Variants in CCDC178 observed in about 807,000 individuals in gnomAD.
CCDC178 encodes the protein coiled-coil domain-containing protein 178.
A neutral mutation model predicts 117.4 loss-of-function variants in CCDC178; 126 were observed. The ratio of observed to expected loss-of-function variants is 1.07; its 90% CI spans 0.93 to 1.24. The LOEUF (loss-of-function observed/expected upper bound fraction) is 1.24, where lower values mean the gene tolerates loss of function less well. CCDC178 is among the 50% of genes most tolerant of loss of function. The probability of loss-of-function intolerance (pLI) is 0.00; values close to 1 mark genes in which losing one functional copy is unlikely to be tolerated. For missense variants in CCDC178, 1,030 were observed against 986.9 expected, an observed-to-expected ratio of 1.04 and a Z score of -0.59; for synonymous variants, 283 against 313.4, an observed-to-expected ratio of 0.90 and a Z score of 1.02.
At chr18:33,257,135 AG>A (rs1306649397) in intron 14 of CCDC178, among the ~76,000 whole-genome samples, 2 of 152,048 alleles carry the variant, frequency 1.3e-5, no homozygotes, top group African/African-American at 2.4e-5. Context: ...GCCTCAGTCT[AG>A]GGTTTATTCC....
intron 11 of CCDC178, among the ~76,000 whole-genome samples, chr18:33,305,789 C>A (rs1389523209): frequency 2.0e-5 from 3 of 152,116 alleles, no homozygotes; most frequent in Admixed American, 6.6e-5. Flanking sequence ...GACAAAGTGG[C>A]CTTGGCTTCT....
At chr18:33,055,331 TCC>T in intron 21 of CCDC178, among the ~76,000 whole-genome samples, 2 of 152,208 alleles carry the variant, frequency 1.3e-5, no homozygotes, top group African/African-American at 4.8e-5. Context: ...ATCTTTAACT[TCC>T]TATTCTTTTT....
chr18:33,149,594 G>A (rs886709199), intron 20 of CCDC178, among the ~76,000 whole-genome samples: 5 of 152,050 alleles, frequency 3.3e-5, no homozygotes, highest in Non-Finnish European at 2.9e-5. Flanking sequence ...TGAAAATAGA[G>A]AGCCACACTG....
intron 20 of CCDC178, among the ~76,000 whole-genome samples, chr18:33,193,908 C>T (rs1388999824): frequency 1.3e-5 from 2 of 152,136 alleles, no homozygotes; most frequent in Admixed American, 6.5e-5. Context: ...ATCAAGTCCT[C>T]CCAAGTATCT....
chr18:33,253,331 T>C (rs2059638433), intron 14 of CCDC178, among the ~76,000 whole-genome samples: 1 of 151,760 alleles, frequency 6.6e-6, no homozygotes, highest in Non-Finnish European at 1.5e-5. Flanking sequence ...ACGTAATTTA[T>C]TTAAACAGTG....
chr18:32,979,184 T>C (rs1033451059), intron 21 of CCDC178, among the ~76,000 whole-genome samples: 1 of 151,126 alleles, frequency 6.6e-6, no homozygotes, highest in Admixed American at 6.6e-5. Flanking sequence ...TGAGACAGAG[T>C]CTTACTTTGT....
At chr18:32,941,782 A>G (rs1003407364) in intron 22 of CCDC178, among the ~76,000 whole-genome samples, 1 of 152,134 alleles carries the variant, frequency 6.6e-6, no homozygotes, top group African/African-American at 2.4e-5. Flanking sequence ...GAAGGAGGAA[A>G]GATATGAAAG....
At chr18:33,187,124 A>G (rs898213723) in intron 20 of CCDC178, among the ~76,000 whole-genome samples, 1 of 149,840 alleles carries the variant, frequency 6.7e-6, no homozygotes, top group African/African-American at 2.4e-5. Flanking sequence ...AGACTGAGAG[A>G]GAGAACTGCC....
chr18:33,137,539 T>C (rs2058144435), intron 20 of CCDC178, among the ~76,000 whole-genome samples: 3 of 152,140 alleles, frequency 2.0e-5, no homozygotes, highest in Non-Finnish European at 4.4e-5. Flanking sequence ...TTCAAAGCCT[T>C]CCCAGGTTTT....
At chr18:33,346,520 A>G in intron 8 of CCDC178, 109 bp from the exon 9 acceptor site, 1 of 464,894 alleles carries the variant, frequency 2.2e-6, no homozygotes, top group Non-Finnish European at 3.5e-6. Context: ...ATTTAATAAG[A>G]GAATGTTAGA....
chr18:33,263,561 T>A (rs1237910194), intron 14 of CCDC178, among the ~76,000 whole-genome samples: 2 of 151,956 alleles, frequency 1.3e-5, no homozygotes, highest in South Asian at 2.1e-4. Context: ...AAGGAAAAAA[T>A]TCAGTAATAT....
intron 9 of CCDC178, among the ~76,000 whole-genome samples, chr18:33,335,589 A>T (rs1476374596): frequency 6.6e-6 from 1 of 151,960 alleles, no homozygotes; most frequent in East Asian, 1.9e-4. Context: ...AATTTCTTCA[A>T]GTTTTACAGT....
At chr18:33,217,893 C>G (rs966935127) in intron 18 of CCDC178, among the ~76,000 whole-genome samples, 4 of 151,898 alleles carry the variant, frequency 2.6e-5, no homozygotes, top group African/African-American at 9.7e-5. Context: ...TTATGTGAAC[C>G]TGTACAAGTT....
chr18:33,317,948 A>AATG (rs1192445978), intron 11 of CCDC178, among the ~76,000 whole-genome samples: 1 of 152,160 alleles, frequency 6.6e-6, no homozygotes, highest in Non-Finnish European at 1.5e-5. Context: ...TGCTAAATGG[A>AATG]ATGAGCACCC....
At chr18:33,068,643 C>A (rs2057059154) in intron 21 of CCDC178, among the ~76,000 whole-genome samples, 1 of 152,114 alleles carries the variant, frequency 6.6e-6, no homozygotes, top group East Asian at 1.9e-4. Context: ...AAACTCTCAA[C>A]AAATTAGGTA....
chr18:33,381,817 G>A (rs2063441987), intron 5 of CCDC178, among the ~76,000 whole-genome samples: 1 of 151,334 alleles, frequency 6.6e-6, no homozygotes, highest in African/African-American at 2.4e-5. Context: ...ATGTTGTATT[G>A]TAAAAATTGT....
chr18:33,438,263 T>C (rs577423149), intron 2 of CCDC178, among the ~76,000 whole-genome samples: 2 of 152,240 alleles, frequency 1.3e-5, no homozygotes, highest in South Asian at 4.1e-4. Flanking sequence ...ATCCTGCTTC[T>C]AGTTAGCCCT....
At chr18:32,997,361 G>A (rs1035778074) in intron 21 of CCDC178, among the ~76,000 whole-genome samples, 4 of 152,082 alleles carry the variant, frequency 2.6e-5, no homozygotes, top group Non-Finnish European at 4.4e-5. Flanking sequence ...ATGTGGTTGG[G>A]CCTCATCCAA....
At chr18:33,163,661 C>G (rs1598949597) in intron 20 of CCDC178, among the ~76,000 whole-genome samples, 1 of 152,086 alleles carries the variant, frequency 6.6e-6, no homozygotes, top group Non-Finnish European at 1.5e-5. Flanking sequence ...TATAGCTATT[C>G]TATAATAAAA....
Sources: gnomAD v4.1 joint callset for allele counts (sites outside exome capture counted in the v4.1 genomes callset) on GRCh38, gnomAD v4.1.1 for gene constraint, MANE v1.5 for transcripts, NCBI Gene and HGNC (gene_info 2026-07-23, HGNC 2026-07-21) for gene names.